The following CDH19 variants were observed in gnomAD, a reference collection of about 807,000 sequenced individuals.
CDH19 encodes the protein cadherin 19.
CDH19 carries 67 observed loss-of-function variants against 64.2 expected under a neutral mutation model. The observed-to-expected ratio is 1.04, with a 90% CI of 0.86 to 1.28. CDH19 has a LOEUF of 1.28. CDH19 is among the 50% of genes most tolerant of loss of function. The pLI is 0.00. For missense variants in CDH19, 1,030 were observed against 929.0 expected, an observed-to-expected ratio of 1.11 and a Z score of -1.41; for synonymous variants, 346 against 319.3, an observed-to-expected ratio of 1.08 and a Z score of -0.89.
chr18:66,572,032 G>A lies in CDH19; in HGVS notation c.173C>T (p.Thr58Met), dbSNP rs538411423. ...NQFFVPEEMNTTSHHIGQLRS... is the reference protein window; with the variant it reads ...NQFFVPEEMNMTSHHIGQLRS... ...TACCTGGCCGATGTGATGACTAGTC[G>A]TATTCATTTCCTCTGGTACAAAAAA... is the stretch of plus-strand genomic sequence containing the variant. Residue 58 changes from threonine (T) to methionine (M), a missense_variant, in exon 2 of 12, where the codon ACG becomes ATG. Physicochemically the swap from Thr to Met is moderately conservative, Grantham distance 81. Coordinates refer to ENST00000262150, the MANE Select transcript of CDH19 (RefSeq NM_021153.4). 1.2e-5 allele frequency: 19 copies of A among 1,609,862 alleles called. No individual in the cohort carries two copies. Among genetic ancestry groups the A allele is most frequent in the Admixed American group, 5.0e-5 (3 of 59,656 alleles).
At chr18:66,587,090 T>C (rs192445037) in intron 1 of CDH19, among the ~76,000 whole-genome samples, 300 of 152,218 alleles carry the variant, frequency 2.0e-3, no homozygotes, top group African/African-American at 5.3e-3. Context: ...TGACCTTCTA[T>C]TGCCTTCTTG....
intron 10 of CDH19, 82 bp downstream of exon 10, chr18:66,511,486 A>G: frequency 1.5e-6 from 1 of 662,768 alleles, no homozygotes; most frequent in Non-Finnish European, 2.7e-6. Flanking sequence ...GAACAGTATA[A>G]AAATCCATGC....
intron 3 of CDH19, among the ~76,000 whole-genome samples, chr18:66,554,760 T>C (rs1402848417): frequency 6.6e-6 from 1 of 151,904 alleles, no homozygotes; most frequent in Non-Finnish European, 1.5e-5. Context: ...AATATGGAAT[T>C]TTAAACATGT....
At chr18:66,602,838 T>C (rs1229371027) in intron 1 of CDH19, among the ~76,000 whole-genome samples, 2 of 151,816 alleles carry the variant, frequency 1.3e-5, no homozygotes, top group Non-Finnish European at 2.9e-5. Flanking sequence ...GTTATTTTAT[T>C]TGGTCAATAT....
rs1331756895 is a variant in CDH19, at chr18:66,503,548, T to G, written c.*1264A>C. 6.6e-6 allele frequency: 1 copy of G among 151,796 alleles called. No individual in the cohort carries two copies. Among genetic ancestry groups the G allele is most frequent in the East Asian group, 1.9e-4 (1 of 5,174 alleles). The allele number at this position is 151,796 out of a possible 1,614,324, so 9.4% of individuals were successfully genotyped here. ...TTTTTAGTAGAGGTAAAAATTTACTTAAATTTTTCCACACTTTCCACCAGT... is the reference window on the plus strand; with the variant it reads ...TTTTTAGTAGAGGTAAAAATTTACTGAAATTTTTCCACACTTTCCACCAGT... On this transcript the variant is annotated 3_prime_UTR_variant, in exon 12 of 12. Transcript: ENST00000262150.
chr18:66,548,516 CAG>C (rs1466068188), intron 5 of CDH19, among the ~76,000 whole-genome samples: 1 of 151,884 alleles, frequency 6.6e-6, no homozygotes, highest in Non-Finnish European at 1.5e-5. Flanking sequence ...AAGGAAAAAA[CAG>C]AGACTAGTAA....
At chr18:66,567,344 G>A (rs1288751881) in intron 3 of CDH19, among the ~76,000 whole-genome samples, 1 of 151,556 alleles carries the variant, frequency 6.6e-6, no homozygotes, top group East Asian at 1.9e-4. Context: ...TAAGGGAAAG[G>A]AGTAGAAGGT....
In CDH19 at chr18:66,532,892, G is replaced by T. The variant is rs540284177; in HGVS notation, c.1336+2094C>A. Reference sequence around the variant, plus strand: ...TAGAATGAATTCTATGTGACAAATAGTGCTAAGTCCTCATACTTGAATATC... The same window carrying T: ...TAGAATGAATTCTATGTGACAAATATTGCTAAGTCCTCATACTTGAATATC... On this transcript the variant is annotated intron_variant, in intron 8 of 11. Transcript: ENST00000262150. Among the ~76,000 whole-genome samples the T allele has an allele frequency of 5.7e-4, 87 of 152,232 alleles. No individual in the cohort carries two copies. In the South Asian group the frequency reaches 6.8e-3, roughly 12 times the overall value.
At chr18:66,532,538 AGG>A in intron 8 of CDH19, 1 of 306,374 alleles carries the variant, frequency 3.3e-6, no homozygotes, top group Non-Finnish European at 6.4e-6. Flanking sequence ...AGAGAGAGAG[AGG>A]GAAAAAAAAA....
chr18:66,519,170 T>C (rs1434485152), intron 9 of CDH19, among the ~76,000 whole-genome samples: 1 of 152,214 alleles, frequency 6.6e-6, no homozygotes, highest in Non-Finnish European at 1.5e-5. Flanking sequence ...GACAATGTTG[T>C]TTGTGTGCAA....
chr18:66,526,831 T>C (rs1176612031), intron 9 of CDH19, among the ~76,000 whole-genome samples: 2 of 152,030 alleles, frequency 1.3e-5, no homozygotes, highest in Admixed American at 6.5e-5. Context: ...ATTTCATCAT[T>C]CTTTTTTTTT....
rs1012316714 is a variant in CDH19 at position 66,559,907 on chromosome 18, T to A, written c.491-5383A>T. 1.5e-3 allele frequency among the ~76,000 whole-genome samples: 226 copies of A among 152,150 alleles called. 1 individual carries two copies. Among genetic ancestry groups the A allele is most frequent in the African/African-American group, 5.4e-3 (223 of 41,560 alleles). ...AAAAATACACAGCTTAAAAGCTAGC[T>A]CAATCAAAATCCTAGTGGACTGTAT... On this transcript the variant is annotated intron_variant, in intron 3 of 11. Transcript: ENST00000262150.
chr18:66,550,655 G>C (rs559746294), intron 5 of CDH19, among the ~76,000 whole-genome samples: 1 of 152,132 alleles, frequency 6.6e-6, no homozygotes, highest in East Asian at 1.9e-4. Flanking sequence ...GGGATGTGTG[G>C]GCTAAATCAA....
intron 4 of CDH19, 111 bp from the exon 5 acceptor site, chr18:66,551,369 C>A (rs1432953587): frequency 3.0e-6 from 2 of 658,048 alleles, no homozygotes; most frequent in Non-Finnish European, 5.4e-6. Flanking sequence ...TGAACCACTG[C>A]AATGTGACAG....
At chr18:66,579,210 C>A (rs754258014) in intron 1 of CDH19, among the ~76,000 whole-genome samples, 1 of 151,874 alleles carries the variant, frequency 6.6e-6, no homozygotes, top group Non-Finnish European at 1.5e-5. Context: ...GACAACTAAC[C>A]GTGGAACAAC....
chr18:66,509,304 A>G, intron 10 of CDH19, 58 bp from the exon 11 acceptor site: 2 of 1,461,986 alleles, frequency 1.4e-6, no homozygotes, highest in South Asian at 2.4e-5. Flanking sequence ...ATTTGTATGT[A>G]ATAGTCACAT....
At position 66,567,289 on chromosome 18, in the gene CDH19, G is replaced by A. The variant is rs1469333503; in HGVS notation, c.490+1127C>T. Among the ~76,000 whole-genome samples, 4 of 151,606 alleles carry A rather than the reference G, an allele frequency of 2.6e-5. No homozygotes were observed. In the East Asian group the frequency reaches 7.8e-4, roughly 30 times the overall value. On this transcript the variant is annotated intron_variant, in intron 3 of 11. Coordinates refer to ENST00000262150, the MANE Select transcript of CDH19 (RefSeq NM_021153.4). ...GAGGAAGAAAAGCAAGAAGCAGAGG[G>A]AGGAAGGAGGAAGAGAGGGAATAAG...
At chr18:66,537,570 T>C (rs563559314) in intron 7 of CDH19, among the ~76,000 whole-genome samples, 1 of 152,170 alleles carries the variant, frequency 6.6e-6, no homozygotes, top group South Asian at 2.1e-4. Flanking sequence ...GAAACTATTT[T>C]AAAATGTTCT....
At chr18:66,560,045 G>GT (rs1226951065) in intron 3 of CDH19, among the ~76,000 whole-genome samples, 2 of 151,624 alleles carry the variant, frequency 1.3e-5, no homozygotes, top group African/African-American at 2.4e-5. Flanking sequence ...TTTTGTTTTT[G>GT]TTTTTTTGAG....
Sources: gnomAD v4.1 joint callset for allele counts (sites outside exome capture counted in the v4.1 genomes callset) on GRCh38, gnomAD v4.1.1 for gene constraint, MANE v1.5 for transcripts, NCBI Gene and HGNC (gene_info 2026-07-23, HGNC 2026-07-21) for gene names.